Variants in DPY19L3 observed in about 807,000 individuals in gnomAD.
DPY19L3 encodes the protein dpy-19 like C-mannosyltransferase 3, also known as protein C-mannosyl-transferase DPY19L3.
A neutral mutation model predicts 92.3 loss-of-function variants in DPY19L3; 51 were observed. The observed-to-expected ratio is 0.55, with a 90% CI of 0.44 to 0.70. DPY19L3 has a LOEUF of 0.70. Ranked by LOEUF, DPY19L3 falls within the 30% of genes least tolerant of loss-of-function variation. The pLI is 0.00. For missense variants in DPY19L3, 706 were observed against 855.9 expected (o/e 0.82, Z 2.18); for synonymous variants, 309 against 315.2 (o/e 0.98, Z 0.21).
intron 15 of DPY19L3, chr19:32,468,032 A>G: frequency 2.0e-6 from 2 of 985,298 alleles, no homozygotes; most frequent in Non-Finnish European, 2.4e-6. Context: ...AATATATGTC[A>G]AACCATTTGA....
rs1417728111 is a variant in DPY19L3 at position 32,453,179 on chromosome 19, T to C, written c.890T>C (p.Leu297Ser). 1 of 1,614,098 alleles carries C rather than the reference T, an allele frequency of 6.2e-7. No individual in the cohort carries two copies. The highest frequency in any genetic ancestry group is 2.2e-5 in the East Asian group (1 of 44,892). The change falls in exon 9 of 19, where the codon TTA (leucine) becomes TCA (serine). Residue 297 changes from leucine to serine, a missense_variant. Leu to Ser is a moderately radical substitution (Grantham distance 145). Transcript: ENST00000392250. ...TWLYGIQITS[L>S]LLVCILQFFN... ...CTGTATGGAATACAGATAACAAGTT[T>C]ACTCCTGGTCTGCATTCTTCAGTTT... is the stretch of plus-strand genomic sequence containing the variant.
intron 4 of DPY19L3, among the ~76,000 whole-genome samples, chr19:32,434,590 T>C (rs8101176): frequency 0.89 from 134,966 of 152,256 alleles, 60,089 homozygotes; most frequent in African/African-American, 0.97. Flanking sequence ...ACCTGGGAGG[T>C]GGAGGTTGCG....
chr19:32,436,692 A>AT (rs762543897), intron 5 of DPY19L3, 125 bp downstream of exon 5: 98 of 892,108 alleles, frequency 1.1e-4, no homozygotes, highest in Non-Finnish European at 1.3e-4. Flanking sequence ...GCAATACTAT[A>AT]TTTTTTTTCC....
intron 8 of DPY19L3, among the ~76,000 whole-genome samples, chr19:32,444,912 A>C (rs1368003494): frequency 3.3e-5 from 5 of 150,594 alleles, no homozygotes; most frequent in Non-Finnish European, 5.9e-5. Context: ...ATGCAACCCC[A>C]TCTCTATAAA....
intron 15 of DPY19L3, chr19:32,468,096 T>A (rs1970250705): frequency 5.1e-6 from 5 of 984,772 alleles, no homozygotes; most frequent in Non-Finnish European, 6.0e-6. Flanking sequence ...AAAAGGGGGC[T>A]GGATTTGGAG....
chr19:32,434,574 G>A (rs1241043931), intron 4 of DPY19L3, among the ~76,000 whole-genome samples: 6 of 152,158 alleles, frequency 3.9e-5, no homozygotes, highest in South Asian at 2.1e-4. Flanking sequence ...CAGGAGAATC[G>A]CTTAAACCTG....
intron 16 of DPY19L3, 187 bp from the exon 17 acceptor site, chr19:32,477,335 C>T (rs927444501): frequency 1.4e-5 from 8 of 572,324 alleles, no homozygotes; most frequent in East Asian, 3.3e-5. Context: ...TGGCAAAAAC[C>T]GCAATTACTT....
At chr19:32,454,585 A>G (rs78873633) in intron 9 of DPY19L3, among the ~76,000 whole-genome samples, 1 of 152,174 alleles carries the variant, frequency 6.6e-6, no homozygotes, top group Non-Finnish European at 1.5e-5. Flanking sequence ...AAAGAAAAAG[A>G]AAAAAAGAAA....
intron 7 of DPY19L3, 62 bp downstream of exon 7, chr19:32,439,297 A>T: frequency 6.5e-7 from 1 of 1,540,530 alleles, no homozygotes; most frequent in Non-Finnish European, 8.8e-7. Flanking sequence ...AGCTTCAAAA[A>T]ATGTGATGTG....
rs1383946152 is a variant in DPY19L3, at chr19:32,485,203, A to G, written c.*2963A>G. 2 of 152,226 alleles carry G rather than the reference A, an allele frequency of 1.3e-5. No homozygotes were observed. The highest frequency in any genetic ancestry group is 2.9e-5 in the Non-Finnish European group (2 of 68,038). The allele number at this position is 152,226 out of a possible 1,614,324, so 9.4% of individuals were successfully genotyped here. A position where few individuals can be genotyped will look rare whatever the true frequency, so the allele number is the denominator to read the frequency against. On this transcript the variant is annotated 3_prime_UTR_variant, in exon 19 of 19. Coordinates refer to ENST00000392250, the MANE Select transcript of DPY19L3 (RefSeq NM_001172774.2). ...TACTTTATTAAATGACCAACTACTG[A>G]TACTGATCACAATAGTTATTAGAGA...
At chr19:32,419,865 T>C (rs1968508044) in intron 3 of DPY19L3, among the ~76,000 whole-genome samples, 1 of 149,530 alleles carries the variant, frequency 6.7e-6, no homozygotes, top group African/African-American at 2.5e-5. Context: ...ATTTTTTTTT[T>C]TTTTTTTTTT....
intron 4 of DPY19L3, 34 bp downstream of exon 4, chr19:32,432,840 C>G (rs577666952): frequency 6.3e-7 from 1 of 1,595,334 alleles, no homozygotes; most frequent in Non-Finnish European, 8.6e-7. Flanking sequence ...TTGGGGTCTC[C>G]TGCATTTTTT....
intron 3 of DPY19L3, among the ~76,000 whole-genome samples, chr19:32,431,085 T>C (rs551893190): frequency 1.8e-4 from 28 of 152,044 alleles, no homozygotes; most frequent in Non-Finnish European, 3.4e-4. Context: ...TCTGCTATAA[T>C]ATGAAAAAGC....
At chr19:32,474,268 A>G (rs901918425) in intron 16 of DPY19L3, among the ~76,000 whole-genome samples, 4 of 152,228 alleles carry the variant, frequency 2.6e-5, no homozygotes, top group African/African-American at 9.6e-5. Context: ...ACTTTTTGCT[A>G]ATAAGGCCAG....
chr19:32,430,332 G>A (rs1599611691), intron 3 of DPY19L3, among the ~76,000 whole-genome samples: 1 of 152,014 alleles, frequency 6.6e-6, no homozygotes, highest in Middle Eastern at 3.2e-3. Flanking sequence ...ACGATGAGCC[G>A]TGATCATGCC....
rs71336911 is a variant in DPY19L3, at chr19:32,470,781, C to CTTTTTTTT, written c.1697+1983_1697+1990dup. Among the ~76,000 whole-genome samples, 23 of 91,210 alleles carry CTTTTTTTT rather than the reference C, an allele frequency of 2.5e-4. 1 individual carries two copies. The highest frequency in any genetic ancestry group is 4.2e-4 in the Admixed American group (3 of 7,114). The allele number at this position is 91,210 out of a possible 152,430, so 59.8% of individuals were successfully genotyped here. ...TTTTGTAGTAGACATATTCCTTTGGCTTTTTTTTTTTTTTTTTTTTTTGTA... is the reference window on the plus strand; with the variant it reads ...TTTTGTAGTAGACATATTCCTTTGGCTTTTTTTTTTTTTTTTTTTTTTTTTTTTTTGTA... On this transcript the variant is annotated intron_variant, in intron 16 of 18. Transcript: ENST00000392250.
intron 8 of DPY19L3, among the ~76,000 whole-genome samples, chr19:32,444,527 T>C (rs1219960377): frequency 6.6e-6 from 1 of 152,170 alleles, no homozygotes; most frequent in Non-Finnish European, 1.5e-5. Context: ...GAAAAGAGTT[T>C]ACTGAAGCTG....
At chr19:32,415,551 T>C (rs187361699) in intron 3 of DPY19L3, among the ~76,000 whole-genome samples, 118 of 152,344 alleles carry the variant, frequency 7.7e-4, no homozygotes, top group African/African-American at 2.6e-3. Context: ...GAATGTATTA[T>C]AGTAGTGAAC....
chr19:32,470,929 T>G (rs1970340939), intron 16 of DPY19L3, among the ~76,000 whole-genome samples: 1 of 152,142 alleles, frequency 6.6e-6, no homozygotes, highest in Non-Finnish European at 1.5e-5. Context: ...AGCTGCTTGG[T>G]ATGTTTGCAA....
Sources: gnomAD v4.1 joint callset for allele counts (sites outside exome capture counted in the v4.1 genomes callset) on GRCh38, gnomAD v4.1.1 for gene constraint, MANE v1.5 for transcripts, NCBI Gene and HGNC (gene_info 2026-07-23, HGNC 2026-07-21) for gene names.